The following MEGF6 variants were observed in gnomAD, a reference collection of about 807,000 sequenced individuals.
MEGF6 encodes multiple EGF like domains 6.
A neutral mutation model predicts 207.1 loss-of-function variants in MEGF6; 184 were observed. The observed-to-expected ratio is 0.89, with a 90% CI of 0.79 to 1.00. MEGF6 has a LOEUF of 1.00. Among genes scored for constraint, MEGF6 ranks in the 50% least tolerant of loss-of-function variants. The pLI is 0.00. For synonymous variants in MEGF6, 1,038 were observed against 910.0 expected (o/e 1.14, Z -2.53); for missense variants, 2,282 against 2,202.9 (o/e 1.04, Z -0.72).
In MEGF6 at chr1:3,497,313, C is replaced by T; in HGVS notation, c.3401G>A (p.Cys1134Tyr). The T allele has an allele frequency of 6.4e-7, 1 of 1,552,106 alleles. No individual in the cohort carries two copies. The highest frequency in any genetic ancestry group is 1.4e-5 in the African/African-American group (1 of 72,376). ...FGEACAQRCS[C>Y]PPGAACHHVT... The stretch of plus-strand genomic sequence containing the variant: ...GTGGTGGCAGGCAGCGCCAGGCGGG[C>T]AGCTGCAGCGCTGGGCACAGGCCTC... Residue 1134 changes from cysteine to tyrosine, a missense_variant, in exon 27 of 37, where the codon TGC (cysteine) becomes TAC (tyrosine). Coordinates refer to ENST00000356575, the MANE Select transcript of MEGF6 (RefSeq NM_001409.4).
At chr1:3,589,202 G>A (rs1643939365) in intron 3 of MEGF6, among the ~76,000 whole-genome samples, 1 of 152,032 alleles carries the variant, frequency 6.6e-6, no homozygotes, top group Non-Finnish European at 1.5e-5. Flanking sequence ...GAAGCTGGAA[G>A]AGATAGGAAG....
chr1:3,577,263 A>C (rs1643669546), intron 4 of MEGF6, among the ~76,000 whole-genome samples: 1 of 152,092 alleles, frequency 6.6e-6, no homozygotes, highest in African/African-American at 2.4e-5. Context: ...CCCGCTACCC[A>C]AGGGCCACAA....
intron 4 of MEGF6, among the ~76,000 whole-genome samples, chr1:3,544,047 G>A (rs764706725): frequency 2.2e-4 from 33 of 152,182 alleles, no homozygotes; most frequent in Non-Finnish European, 4.4e-5. Context: ...GCCTCTGCGC[G>A]CCGCACCACT....
intron 5 of MEGF6, among the ~76,000 whole-genome samples, chr1:3,523,149 C>T (rs1244298840): frequency 2.0e-5 from 3 of 152,130 alleles, no homozygotes; most frequent in East Asian, 3.9e-4. Flanking sequence ...TGCTCAGAGC[C>T]GGCTTGGGCC....
Position 3,579,833 on chromosome 1 carries a change from C to G in MEGF6, c.473G>C (p.Cys158Ser). Residue 158 changes from cysteine to serine, a missense_variant, in exon 4 of 37, where the codon TGT (cysteine) becomes TCT (serine). Physicochemically the swap from Cys to Ser is moderately radical, Grantham distance 112. Transcript: ENST00000356575. ...HCPPGFQGPRCQYDVDECRTH... is the reference protein window; with the variant it reads ...HCPPGFQGPRSQYDVDECRTH... ...CCAGGGGCTCCACTCACCATACTGACAGCGGGGTCCCTGGAAGCCGGGGGG... is the reference window on the plus strand; with the variant it reads ...CCAGGGGCTCCACTCACCATACTGAGAGCGGGGTCCCTGGAAGCCGGGGGG... 1 of 1,522,164 alleles carries G rather than the reference C, an allele frequency of 6.6e-7. No homozygotes were observed. Among genetic ancestry groups the G allele is most frequent in the Admixed American group, 2.3e-5 (1 of 42,670 alleles). 94.3% of individuals were successfully genotyped at this position (1,522,164 alleles called of 1,614,324 possible).
At chr1:3,502,689 A>T (rs1640953693) in intron 17 of MEGF6, among the ~76,000 whole-genome samples, 1 of 151,642 alleles carries the variant, frequency 6.6e-6, no homozygotes, top group African/African-American at 2.4e-5. Flanking sequence ...GAGGATTGGG[A>T]CCCCTGGAGA....
At chr1:3,575,076 CTA>C (rs1317683361) in intron 4 of MEGF6, among the ~76,000 whole-genome samples, 43 of 152,342 alleles carry the variant, frequency 2.8e-4, no homozygotes, top group African/African-American at 1.0e-3. Context: ...ACTTCGTGTA[CTA>C]CAAAAGACAA....
chr1:3,498,865 C>A, intron 24 of MEGF6, 39 bp from the exon 25 acceptor site: 1 of 1,541,708 alleles, frequency 6.5e-7, no homozygotes, highest in East Asian at 2.5e-5. Flanking sequence ...CATCCCCCAG[C>A]CAGCTGGCCC....
At chr1:3,491,338 GCAC>G (rs1640354503) in intron 35 of MEGF6, among the ~76,000 whole-genome samples, 1 of 151,996 alleles carries the variant, frequency 6.6e-6, no homozygotes, top group Non-Finnish European at 1.5e-5. Context: ...ACTGCCCCCG[GCAC>G]CCGGCACCCA....
Position 3,501,505 on chromosome 1 carries a change from ACCCCCAG to A in MEGF6, c.2315-204_2315-198del, listed in dbSNP as rs1640865074. On this transcript the variant is annotated intron_variant, in intron 18 of 36. Transcript: ENST00000356575. ...GCGGGGTGCGCACCCACAGTAGAGGACCCCCAGCCCCCGGCACCGTTCAGCTGGCAAC... is the reference window on the plus strand; with the variant it reads ...GCGGGGTGCGCACCCACAGTAGAGGACCCCCGGCACCGTTCAGCTGGCAAC... Among the ~76,000 whole-genome samples, 5 of 150,536 alleles carry A rather than the reference ACCCCCAG, an allele frequency of 3.3e-5. No individual in the cohort carries two copies. The South Asian group carries it at 1.1e-3, about 32-fold the overall frequency.
At chr1:3,554,902 A>G (rs1056881245) in intron 4 of MEGF6, among the ~76,000 whole-genome samples, 14 of 152,202 alleles carry the variant, frequency 9.2e-5, no homozygotes, top group African/African-American at 3.1e-4. Flanking sequence ...TCTGGAAACC[A>G]CAGTGTGGAG....
In MEGF6 at chr1:3,494,404, C is replaced by T. The variant is rs753644913; in HGVS notation, c.4096G>A (p.Gly1366Ser). The T allele has an allele frequency of 1.1e-5, 17 of 1,554,962 alleles. No individual in the cohort carries two copies. The highest frequency in any genetic ancestry group is 9.6e-5 in the East Asian group (4 of 41,580). The change falls in exon 32 of 37, where the codon GGC becomes AGC. Residue 1366 changes from glycine (G) to serine (S), a missense_variant. Coordinates refer to ENST00000356575, the MANE Select transcript of MEGF6 (RefSeq NM_001409.4). The stretch of plus-strand genomic sequence containing the variant: ...CAGGCCTGGCCATAGAAGCCGGGGC[C>T]GCAGCGGCAGGTGCCCGTGGCAGGC... ...CEPATGTCRC[G>S]PGFYGQACEH...
At chr1:3,510,110 A>G in intron 10 of MEGF6, 118 bp from the exon 11 acceptor site, 2 of 1,331,230 alleles carry the variant, frequency 1.5e-6, no homozygotes, top group Non-Finnish European at 2.0e-6. Context: ...AGAGCTGAGT[A>G]GCATCTCTTC....
chr1:3,543,960 G>A (rs376059489), intron 4 of MEGF6, among the ~76,000 whole-genome samples: 85 of 152,330 alleles, frequency 5.6e-4, no homozygotes, highest in Middle Eastern at 3.4e-3. Context: ...CCCAGAGCAC[G>A]AATCAGGAGA....
intron 4 of MEGF6, among the ~76,000 whole-genome samples, chr1:3,570,086 GC>G (rs1643453119): frequency 6.6e-6 from 1 of 152,204 alleles, no homozygotes; most frequent in Admixed American, 6.5e-5. Context: ...GATTCTGCAG[GC>G]GGTCTCAGTC....
chr1:3,566,916 G>A (rs1438268993), intron 4 of MEGF6, among the ~76,000 whole-genome samples: 1 of 152,184 alleles, frequency 6.6e-6, no homozygotes, highest in Admixed American at 6.5e-5. Flanking sequence ...CCTGGGGAGC[G>A]TCCTATCTGA....
intron 8 of MEGF6, 55 bp downstream of exon 8, chr1:3,511,951 G>T: frequency 1.2e-6 from 2 of 1,609,708 alleles, no homozygotes; most frequent in African/African-American, 1.3e-5. Context: ...CGGGGTCCTG[G>T]GGAGCAGCAT....
the MEGF6 span, among the ~76,000 whole-genome samples, chr1:3,617,059 C>T: frequency 2.0e-5 from 3 of 152,104 alleles, no homozygotes; most frequent in Admixed American, 2.0e-4. Context: ...CCTCTACACC[C>T]TGCTCCCGCC....
At chr1:3,529,243 G>T (rs902751248) in intron 4 of MEGF6, among the ~76,000 whole-genome samples, 1 of 152,198 alleles carries the variant, frequency 6.6e-6, no homozygotes, top group Non-Finnish European at 1.5e-5. Context: ...GAGACTCAGA[G>T]GCCAGTGTGG....
Sources: gnomAD v4.1 joint callset for allele counts (sites outside exome capture counted in the v4.1 genomes callset) on GRCh38, gnomAD v4.1.1 for gene constraint, MANE v1.5 for transcripts, NCBI Gene and HGNC (gene_info 2026-07-23, HGNC 2026-07-21) for gene names.